The following TNFRSF10B variants were observed in gnomAD, a reference collection of about 807,000 sequenced individuals.
TNFRSF10B encodes TNF receptor superfamily member 10b.
In TNFRSF10B, 35 loss-of-function variants were observed where a neutral mutation model predicts 41.4. That is an observed-to-expected ratio of 0.85 (90% CI 0.65 to 1.12). The LOEUF (loss-of-function observed/expected upper bound fraction) is 1.12, where lower values mean the gene tolerates loss of function less well. Ranked by LOEUF, TNFRSF10B falls within the 50% of genes most tolerant of loss-of-function variation. The pLI, the probability that TNFRSF10B is intolerant of heterozygous loss-of-function variation, is 0.00. For missense variants in TNFRSF10B, 584 were observed against 552.7 expected, an observed-to-expected ratio of 1.06 and a Z score of -0.57; for synonymous variants, 230 against 215.5, an observed-to-expected ratio of 1.07 and a Z score of -0.59.
At chr8:23,067,925 C>T (rs1813042234) in intron 1 of TNFRSF10B, among the ~76,000 whole-genome samples, 2 of 152,198 alleles carry the variant, frequency 1.3e-5, no homozygotes, top group African/African-American at 4.8e-5. Flanking sequence ...TCTCCTGGCC[C>T]CAAGCGCAGT....
intron 1 of TNFRSF10B, among the ~76,000 whole-genome samples, chr8:23,068,036 C>T (rs1385177365): frequency 6.6e-6 from 1 of 152,232 alleles, no homozygotes; most frequent in Non-Finnish European, 1.5e-5. Context: ...AAAGGCTCTT[C>T]CCAGGCCAAA....
chr8:23,060,827 C>T (rs937446224), intron 1 of TNFRSF10B, among the ~76,000 whole-genome samples: 6 of 152,096 alleles, frequency 3.9e-5, no homozygotes, highest in African/African-American at 1.4e-4. Context: ...TTATAGTTTT[C>T]ATTGTACTAG....
chr8:23,051,613 C>T (rs182204085), intron 1 of TNFRSF10B, among the ~76,000 whole-genome samples: 11 of 151,350 alleles, frequency 7.3e-5, no homozygotes, highest in African/African-American at 2.2e-4. Context: ...GGCGCGATCT[C>T]GGCTCACTGC....
intron 2 of TNFRSF10B, among the ~76,000 whole-genome samples, chr8:23,039,357 G>A (rs1385931253): frequency 6.6e-6 from 1 of 152,022 alleles, no homozygotes; most frequent in Non-Finnish European, 1.5e-5. Context: ...TCACATAACT[G>A]TGGAGGCTGG....
At chr8:23,030,130 G>A (rs768760338) in intron 3 of TNFRSF10B, among the ~76,000 whole-genome samples, 9 of 152,246 alleles carry the variant, frequency 5.9e-5, no homozygotes, top group Non-Finnish European at 7.4e-5. Flanking sequence ...GAGTGAGGCC[G>A]AGCACCTGCC....
rs192278123 is a variant in TNFRSF10B at position 23,064,923 on chromosome 8, T to C, written c.144+3828A>G. 3.0e-3 allele frequency among the ~76,000 whole-genome samples: 451 copies of C among 152,292 alleles called. 3 individuals are homozygous for C. Among genetic ancestry groups the C allele is most frequent in the African/African-American group, 0.01 (428 of 41,574 alleles). ...CTCAATGTTGATTTTAAGCAAACCA[T>C]ATTATCCTGGCCAAACTACCATGAC... On this transcript the variant is annotated intron_variant, in intron 1 of 8. Coordinates refer to ENST00000276431, the MANE Select transcript of TNFRSF10B (RefSeq NM_003842.5).
At chr8:23,063,260 A>C (rs749479666) in intron 1 of TNFRSF10B, among the ~76,000 whole-genome samples, 1 of 151,842 alleles carries the variant, frequency 6.6e-6, no homozygotes, top group Non-Finnish European at 1.5e-5. Flanking sequence ...AGGCAGGAGA[A>C]TCGCTTGAAC....
Position 23,065,056 on chromosome 8 carries a change from G to A in TNFRSF10B, c.144+3695C>T, listed in dbSNP as rs547196107. On this transcript the variant is annotated intron_variant, in intron 1 of 8. Coordinates refer to ENST00000276431, the MANE Select transcript of TNFRSF10B (RefSeq NM_003842.5). Reference sequence around the variant, plus strand: ...GAGGTGGGGGAGGTGACAGTGGTGGGACCTCATGCTTCCTGATAGTTATTT... The same window carrying A: ...GAGGTGGGGGAGGTGACAGTGGTGGAACCTCATGCTTCCTGATAGTTATTT... Among the ~76,000 whole-genome samples, 331 of 152,302 alleles carry A rather than the reference G, an allele frequency of 2.2e-3. 1 individual carries two copies. Among genetic ancestry groups the A allele is most frequent in the Non-Finnish European group, 3.8e-3 (258 of 68,028 alleles).
chr8:23,068,950 T>G lies in TNFRSF10B; in HGVS notation c.-56A>C, dbSNP rs766487473. The G allele has an allele frequency of 3.1e-6, 5 of 1,612,438 alleles. No individual in the cohort carries two copies. The highest frequency in any genetic ancestry group is 2.5e-6 in the Non-Finnish European group (3 of 1,179,734). On this transcript the variant is annotated 5_prime_UTR_variant, in exon 1 of 9. Transcript: ENST00000276431. ...GGCCCGTGGGTTTCAGCCCTTAAAGTAGATCGGGCATCGTCGGTGTATTTT... is the reference window on the plus strand; with the variant it reads ...GGCCCGTGGGTTTCAGCCCTTAAAGGAGATCGGGCATCGTCGGTGTATTTT...
At chr8:23,059,721 C>T (rs1157240967) in intron 1 of TNFRSF10B, among the ~76,000 whole-genome samples, 2 of 152,070 alleles carry the variant, frequency 1.3e-5, no homozygotes, top group African/African-American at 4.8e-5. Context: ...ACCATGTTAG[C>T]CAGGATGGTC....
At position 23,068,789 on chromosome 8, in the gene TNFRSF10B, TG is replaced by T. The variant is rs1813079961; in HGVS notation, c.105del (p.Lys36ArgfsTer20). 5 of 1,607,486 alleles carry T rather than the reference TG, an allele frequency of 3.1e-6. No individual in the cohort carries two copies. In the South Asian group the frequency reaches 5.5e-5, roughly 18 times the overall value. Reference protein sequence around the residue: ...ARGARPGPRVPKTLVLVVAAV... With the variant: ...ARGARPGPRVXKTLVLVVAAV... ...GCGGCGACAACGAGCACAAGGGTCTTGGGGACCCGGGGCCCAGGCCTGGCTC... is the reference window on the plus strand; with the variant it reads ...GCGGCGACAACGAGCACAAGGGTCTTGGGACCCGGGGCCCAGGCCTGGCTC... On this transcript the variant is annotated frameshift_variant, in exon 1 of 9. Coordinates refer to ENST00000276431, the MANE Select transcript of TNFRSF10B (RefSeq NM_003842.5). LOFTEE classifies it high-confidence loss of function.
At chr8:23,060,312 T>C (rs1358246444) in intron 1 of TNFRSF10B, among the ~76,000 whole-genome samples, 1 of 152,244 alleles carries the variant, frequency 6.6e-6, no homozygotes, top group Non-Finnish European at 1.5e-5. Flanking sequence ...TAGCTATTTT[T>C]TAAATACAAT....
intron 8 of TNFRSF10B, among the ~76,000 whole-genome samples, chr8:23,023,925 C>T (rs1424730735): frequency 6.6e-6 from 1 of 152,096 alleles, no homozygotes; most frequent in Non-Finnish European, 1.5e-5. Flanking sequence ...GCGGGGGCTA[C>T]ATCAGGCCCT....
intron 1 of TNFRSF10B, among the ~76,000 whole-genome samples, chr8:23,058,017 C>G (rs531359234): frequency 1.3e-5 from 2 of 152,238 alleles, no homozygotes; most frequent in Admixed American, 6.5e-5. Context: ...GAGGCCGAGG[C>G]GGGCAGATCA....
intron 1 of TNFRSF10B, among the ~76,000 whole-genome samples, chr8:23,064,524 A>G (rs1272481247): frequency 6.6e-6 from 1 of 151,940 alleles, no homozygotes; most frequent in Non-Finnish European, 1.5e-5. Context: ...TGGTTAAGAG[A>G]GAGAAGGAAA....
chr8:23,064,548 A>AG (rs919105136), intron 1 of TNFRSF10B, among the ~76,000 whole-genome samples: 1 of 152,072 alleles, frequency 6.6e-6, no homozygotes, highest in Non-Finnish European at 1.5e-5. Context: ...AGAAGAAGGG[A>AG]GGTCAGGGGT....
intron 2 of TNFRSF10B, among the ~76,000 whole-genome samples, chr8:23,034,227 A>G (rs1811966018): frequency 6.6e-6 from 1 of 152,176 alleles, no homozygotes; most frequent in Non-Finnish European, 1.5e-5. Context: ...AACTAAGCTC[A>G]AGTCCATCTC....
chr8:23,026,953 G>A (rs994430905), intron 7 of TNFRSF10B, among the ~76,000 whole-genome samples, 180 bp downstream of exon 7: 2 of 152,154 alleles, frequency 1.3e-5, no homozygotes, highest in African/African-American at 4.8e-5. Flanking sequence ...AGAAGCAGAT[G>A]TCCTGCAGAC....
rs765424296 is a variant in TNFRSF10B at position 23,030,828 on chromosome 8, A to G, written c.295T>C (p.Tyr99His). 1 of 1,612,992 alleles carries G rather than the reference A, an allele frequency of 6.2e-7. No homozygotes were observed. The highest frequency in any genetic ancestry group is 1.1e-5 in the South Asian group (1 of 90,948). Reference sequence around the variant, plus strand: ...CAGTGAGTGCTATAGTCCTGTCCATATTTGCAGGAGATGCAATCTCTACCG... The same window carrying G: ...CAGTGAGTGCTATAGTCCTGTCCATGTTTGCAGGAGATGCAATCTCTACCG... Reference protein sequence around the residue: ...EDGRDCISCKYGQDYSTHWND... With the variant: ...EDGRDCISCKHGQDYSTHWND... The change falls in exon 3 of 9, where the codon TAT becomes CAT. Residue 99 changes from tyrosine to histidine, a missense_variant. Coordinates refer to ENST00000276431, the MANE Select transcript of TNFRSF10B (RefSeq NM_003842.5).
Sources: gnomAD v4.1 joint callset for allele counts (sites outside exome capture counted in the v4.1 genomes callset) on GRCh38, gnomAD v4.1.1 for gene constraint, MANE v1.5 for transcripts, NCBI Gene and HGNC (gene_info 2026-07-23, HGNC 2026-07-21) for gene names.